The following PKIB variants were observed in gnomAD, a reference collection of about 807,000 sequenced individuals.
PKIB encodes the protein PKI-beta.
PKIB carries 2 observed loss-of-function variants against 4.5 expected under a neutral mutation model. That is an observed-to-expected ratio of 0.44 (90% confidence interval 0.18 to 1.39). The LOEUF (loss-of-function observed/expected upper bound fraction) is 1.39, where lower values mean the gene tolerates loss of function less well. PKIB is among the 40% of genes most tolerant of loss of function. The pLI, the probability that PKIB is intolerant of heterozygous loss-of-function variation, is 0.27. For synonymous variants in PKIB, 38 were observed against 36.0 expected, an observed-to-expected ratio of 1.06 and a Z score of -0.20; for missense variants, 94 against 92.6, an observed-to-expected ratio of 1.02 and a Z score of -0.06.
chr6:122,699,494 CAGT>C (rs1778711132), intron 3 of PKIB, among the ~76,000 whole-genome samples: 1 of 135,904 alleles, frequency 7.4e-6, no homozygotes, highest in Non-Finnish European at 1.6e-5. Flanking sequence ...AAGGTTGCAG[CAGT>C]CTACTGTGCT....
rs34871200 is a variant in PKIB, at chr6:122,522,148, C to CAA, written c.-248+44218_-248+44219dup. On this transcript the variant is annotated intron_variant, in intron 2 of 6. Coordinates refer to the PKIB transcript ENST00000392491. The stretch of plus-strand genomic sequence containing the variant: ...TGAACAGCAAGTAATAAGTCATTAG[C>CAA]AAAAAAAAAACATAAAGCGAGAAAT... 2.7e-5 allele frequency among the ~76,000 whole-genome samples: 4 copies of CAA among 149,400 alleles called. No homozygotes were observed. The East Asian group carries it at 5.9e-4, about 22-fold the overall frequency.
chr6:122,479,458 A>T (rs983287963), intron 2 of PKIB: 1 of 152,242 alleles, frequency 6.6e-6, no homozygotes, highest in Non-Finnish European at 1.5e-5. Context: ...AATTCTGTCA[A>T]TTAGAACTCA....
At chr6:122,624,256 A>T (rs959083715) in intron 1 of PKIB, among the ~76,000 whole-genome samples, 7 of 152,208 alleles carry the variant, frequency 4.6e-5, no homozygotes, top group Non-Finnish European at 1.0e-4. Flanking sequence ...AAAAGGTTGA[A>T]TATTACAAAA....
At chr6:122,589,826 G>GT (rs1227444526) in intron 3 of PKIB, among the ~76,000 whole-genome samples, 2 of 152,102 alleles carry the variant, frequency 1.3e-5, no homozygotes, top group Non-Finnish European at 2.9e-5. Context: ...AGGTAGTCAC[G>GT]TTTTTACCAA....
At chr6:122,538,312 A>G (rs1287938795) in intron 2 of PKIB, among the ~76,000 whole-genome samples, 14 of 151,814 alleles carry the variant, frequency 9.2e-5, no homozygotes, top group Non-Finnish European at 1.6e-4. Context: ...ATGATTTTAG[A>G]TCTAACATGT....
At chr6:122,500,526 A>G (rs2114557201) in intron 2 of PKIB, among the ~76,000 whole-genome samples, 1 of 152,364 alleles carries the variant, frequency 6.6e-6, no homozygotes. Flanking sequence ...CTAGGAGTTT[A>G]CACAAACAAT....
At chr6:122,674,249 T>A (rs1777583742) in intron 2 of PKIB, among the ~76,000 whole-genome samples, 1 of 152,178 alleles carries the variant, frequency 6.6e-6, no homozygotes, top group East Asian at 1.9e-4. Context: ...TATATTTACT[T>A]TGAAATAATT....
intron 2 of PKIB, among the ~76,000 whole-genome samples, chr6:122,532,987 T>A (rs947773104): frequency 2.0e-5 from 3 of 152,140 alleles, no homozygotes; most frequent in African/African-American, 7.2e-5. Flanking sequence ...GTATTTTCTT[T>A]GGGGAAATAT....
At chr6:122,718,252 T>C (rs1159695893) in intron 4 of PKIB, among the ~76,000 whole-genome samples, 1 of 152,212 alleles carries the variant, frequency 6.6e-6, no homozygotes, top group African/African-American at 2.4e-5. Flanking sequence ...TGAACAAATA[T>C]GATCTTTCTC....
chr6:122,704,157 G>A (rs976630177), intron 3 of PKIB, among the ~76,000 whole-genome samples: 10 of 152,012 alleles, frequency 6.6e-5, no homozygotes, highest in Non-Finnish European at 1.3e-4. Flanking sequence ...ACAGCTTGAA[G>A]ACAGGCAGAG....
At chr6:122,661,141 C>T (rs1275122148) in intron 2 of PKIB, among the ~76,000 whole-genome samples, 1 of 152,070 alleles carries the variant, frequency 6.6e-6, no homozygotes, top group Admixed American at 6.6e-5. Context: ...CACCGTAATC[C>T]TCCCTCAGAG....
At chr6:122,537,961 C>T (rs993353997) in intron 2 of PKIB, among the ~76,000 whole-genome samples, 1 of 151,974 alleles carries the variant, frequency 6.6e-6, no homozygotes, top group Non-Finnish European at 1.5e-5. Context: ...TGTTTTTTGG[C>T]TGCATAAATA....
intron 1 of PKIB, among the ~76,000 whole-genome samples, chr6:122,624,004 A>G (rs1391589476): frequency 2.0e-5 from 3 of 152,150 alleles, no homozygotes; most frequent in African/African-American, 4.8e-5. Flanking sequence ...TAACAACTCT[A>G]TGTGGTAAAT....
chr6:122,565,715 A>G (rs540183469), intron 2 of PKIB, among the ~76,000 whole-genome samples: 1 of 152,288 alleles, frequency 6.6e-6, no homozygotes, highest in South Asian at 2.1e-4. Flanking sequence ...GGCCAATTCA[A>G]CTTTTTAAGA....
At chr6:122,648,404 T>C (rs532204789) in intron 2 of PKIB, among the ~76,000 whole-genome samples, 1 of 152,292 alleles carries the variant, frequency 6.6e-6, no homozygotes, top group African/African-American at 2.4e-5. Flanking sequence ...ATTTAGAACA[T>C]ATACAGCCTC....
intron 2 of PKIB, among the ~76,000 whole-genome samples, chr6:122,555,399 G>A (rs1772808318): frequency 1.3e-5 from 2 of 152,190 alleles, no homozygotes; most frequent in Admixed American, 1.3e-4. Context: ...ACAGTTGGAA[G>A]TAATATTTGA....
chr6:122,506,991 G>A (rs568116368), intron 2 of PKIB, among the ~76,000 whole-genome samples: 78 of 152,034 alleles, frequency 5.1e-4, no homozygotes, highest in Non-Finnish European at 9.1e-4. Flanking sequence ...ATGAGCCACC[G>A]CGCCCGGCCG....
chr6:122,714,846 G>T (rs889708373), intron 3 of PKIB, among the ~76,000 whole-genome samples: 1 of 152,132 alleles, frequency 6.6e-6, no homozygotes, highest in Non-Finnish European at 1.5e-5. Context: ...CAGTGGCGCA[G>T]TCTCGGCTCA....
chr6:122,552,711 G>C (rs1327035349), intron 2 of PKIB, among the ~76,000 whole-genome samples: 2 of 152,096 alleles, frequency 1.3e-5, no homozygotes, highest in Non-Finnish European at 2.9e-5. Flanking sequence ...AGTGCCTCCA[G>C]TCTGCTATCT....
Sources: allele counts gnomAD v4.1 joint callset (sites outside exome capture counted in the v4.1 genomes callset), GRCh38; gene constraint gnomAD v4.1.1; transcripts MANE v1.5; gene names NCBI Gene and HGNC (gene_info 2026-07-23, HGNC 2026-07-21).